The following CACNG5 variants were observed in gnomAD, a reference collection of about 807,000 sequenced individuals.
CACNG5 encodes calcium voltage-gated channel auxiliary subunit gamma 5, also known as voltage-dependent calcium channel gamma-5 subunit.
A neutral mutation model predicts 24.8 loss-of-function variants in CACNG5; 18 were observed. The ratio of observed to expected loss-of-function variants is 0.73; its 90% CI spans 0.50 to 1.08. The LOEUF (loss-of-function observed/expected upper bound fraction) is 1.08. Ranked by LOEUF, CACNG5 falls within the 50% of genes least tolerant of loss-of-function variation. The pLI, the probability that CACNG5 is intolerant of heterozygous loss-of-function variation, is 0.00. For synonymous variants in CACNG5, 157 were observed against 149.1 expected, an observed-to-expected ratio of 1.05 and a Z score of -0.39; for missense variants, 349 against 367.9, an observed-to-expected ratio of 0.95 and a Z score of 0.42.
rs56797058 is a variant in CACNG5 at position 66,850,599 on chromosome 17, TAC to T, written c.-104+15371_-104+15372del. ...ATATATATATACATACACAAATACA[TAC>T]ACACACACACACACACACACAATGC... On this transcript the variant is annotated intron_variant, in intron 1 of 5. Coordinates refer to ENST00000533854, the MANE Select transcript of CACNG5 (RefSeq NM_145811.3). Among the ~76,000 whole-genome samples the T allele has an allele frequency of 8.3e-3, 1,180 of 142,232 alleles. 15 individuals carry two copies. Among genetic ancestry groups the T allele is most frequent in the African/African-American group, 0.031 (1,116 of 36,420 alleles). The allele number at this position is 142,232 out of a possible 152,430, so 93.3% of individuals were successfully genotyped here. A position where few individuals can be genotyped will look rare whatever the true frequency, so the allele number is the denominator to read the frequency against.
At position 66,888,595 on chromosome 17, in the gene CACNG5, A is replaced by T. The variant is rs1426137789; in HGVS notation, c.*3355A>T. ...TTAAAGAAAGAGGAAAGAACCATGA[A>T]AAGTGGCTCAATAGTCAAAGACAGG... On this transcript the variant is annotated 3_prime_UTR_variant, in exon 6 of 6. Coordinates refer to ENST00000533854, the MANE Select transcript of CACNG5 (RefSeq NM_145811.3). Among the ~76,000 whole-genome samples, 2 of 152,040 alleles carry T rather than the reference A, an allele frequency of 1.3e-5. No homozygotes were observed. Among genetic ancestry groups the T allele is most frequent in the Non-Finnish European group, 2.9e-5 (2 of 67,992 alleles).
chr17:66,851,403 G>A (rs1463331968), intron 1 of CACNG5, among the ~76,000 whole-genome samples: 1 of 152,192 alleles, frequency 6.6e-6, no homozygotes, highest in African/African-American at 2.4e-5. Context: ...TGCTGAAGAT[G>A]AGCTCACAAT....
At chr17:66,870,189 G>C (rs1393605575) in intron 1 of CACNG5, among the ~76,000 whole-genome samples, 1 of 152,192 alleles carries the variant, frequency 6.6e-6, no homozygotes, top group Non-Finnish European at 1.5e-5. Flanking sequence ...TGCTCAACTA[G>C]GCAGTTTTTA....
At chr17:66,881,480 T>C (rs1977157108) in intron 4 of CACNG5, among the ~76,000 whole-genome samples, 1 of 152,072 alleles carries the variant, frequency 6.6e-6, no homozygotes, top group Non-Finnish European at 1.5e-5. Flanking sequence ...CCATAAACCC[T>C]CCTAGACCCC....
At chr17:66,877,643 T>C (rs1213772053) in intron 2 of CACNG5, 115 bp downstream of exon 2, 4 of 849,320 alleles carry the variant, frequency 4.7e-6, no homozygotes, top group Non-Finnish European at 7.3e-6. Flanking sequence ...TCACCACGGA[T>C]GATCCCTATA....
chr17:66,838,960 C>T (rs373054684), intron 1 of CACNG5, among the ~76,000 whole-genome samples: 89 of 88,058 alleles, frequency 1.0e-3, no homozygotes, highest in African/African-American at 1.3e-3. Context: ...CTCACCCATT[C>T]TTTTTTTTTT....
chr17:66,839,865 T>A (rs1275861973), intron 1 of CACNG5, among the ~76,000 whole-genome samples: 2 of 152,150 alleles, frequency 1.3e-5, no homozygotes, highest in African/African-American at 4.8e-5. Flanking sequence ...CGGGTAAGTG[T>A]TATTCCTTTT....
chr17:66,884,447 T>G (rs1977215940), intron 4 of CACNG5, 69 bp from the exon 5 acceptor site: 1 of 1,506,976 alleles, frequency 6.6e-7, no homozygotes, highest in Non-Finnish European at 8.9e-7. Context: ...CAAAGGGAGG[T>G]GGGTGCCACC....
intron 4 of CACNG5, among the ~76,000 whole-genome samples, chr17:66,881,792 C>T (rs1228836671): frequency 7.3e-6 from 1 of 136,074 alleles, no homozygotes; most frequent in Non-Finnish European, 1.5e-5. Context: ...AAGAATTAGG[C>T]AAAGAAGTGA....
rs780572822 is a variant in CACNG5 at position 66,884,555 on chromosome 17, G to A, written c.464G>A (p.Ser155Asn). The stretch of plus-strand genomic sequence containing the variant: ...GTGGGCCTGGTGCTCTACATCTCCA[G>A]CATCAACGATGAGATGCTCAACAGG... Reference protein sequence around the residue: ...LVVGLVLYISSINDEMLNRTK... With the variant: ...LVVGLVLYISNINDEMLNRTK... Residue 155 changes from serine to asparagine, a missense_variant, in exon 5 of 6, where the codon AGC becomes AAC. By Grantham distance (46) the Ser-to-Asn change is conservative. Transcript: ENST00000533854. The A allele has an allele frequency of 6.2e-6, 10 of 1,613,956 alleles. No individual in the cohort carries two copies. The highest frequency in any genetic ancestry group is 8.5e-6 in the Non-Finnish European group (10 of 1,179,944).
At chr17:66,839,596 G>A (rs896686902) in intron 1 of CACNG5, among the ~76,000 whole-genome samples, 2 of 151,704 alleles carry the variant, frequency 1.3e-5, no homozygotes, top group Non-Finnish European at 2.9e-5. Flanking sequence ...GGGAAGGTGG[G>A]GAGAGAGCGA....
At chr17:66,836,834 C>A (rs1976487478) in intron 1 of CACNG5, among the ~76,000 whole-genome samples, 2 of 152,264 alleles carry the variant, frequency 1.3e-5, no homozygotes, top group African/African-American at 4.8e-5. Flanking sequence ...AGCATCCTGG[C>A]TGGCTGCACC....
chr17:66,849,510 C>T (rs936185627), intron 1 of CACNG5, among the ~76,000 whole-genome samples: 3 of 152,222 alleles, frequency 2.0e-5, no homozygotes, highest in Non-Finnish European at 4.4e-5. Context: ...GATTACACTT[C>T]CTGGCTGAGT....
intron 3 of CACNG5, among the ~76,000 whole-genome samples, 169 bp downstream of exon 3, chr17:66,879,227 G>T (rs373204360): frequency 6.6e-6 from 1 of 152,192 alleles, no homozygotes; most frequent in Non-Finnish European, 1.5e-5. Flanking sequence ...TTTTCCAGTA[G>T]TGAAAACAGG....
At chr17:66,863,971 T>A (rs777795541) in intron 1 of CACNG5, among the ~76,000 whole-genome samples, 11 of 152,246 alleles carry the variant, frequency 7.2e-5, no homozygotes, top group Admixed American at 1.3e-4. Context: ...CTGTGTCTGA[T>A]GTTTTCATGC....
At chr17:66,841,443 G>A (rs1976566598) in intron 1 of CACNG5, among the ~76,000 whole-genome samples, 1 of 152,208 alleles carries the variant, frequency 6.6e-6, no homozygotes, top group Non-Finnish European at 1.5e-5. Context: ...GCCCCATCCA[G>A]GAGAACATCC....
intron 1 of CACNG5, among the ~76,000 whole-genome samples, chr17:66,874,720 A>C (rs950363629): frequency 2.6e-4 from 39 of 152,116 alleles, no homozygotes; most frequent in African/African-American, 9.2e-4. Context: ...GGGCAAACAA[A>C]CCACCTTATC....
In CACNG5 at chr17:66,893,843, G is replaced by A. The variant is rs991920383; in HGVS notation, c.*8603G>A. Among the ~76,000 whole-genome samples the A allele has an allele frequency of 2.6e-5, 4 of 152,056 alleles. No individual in the cohort carries two copies. The highest frequency in any genetic ancestry group is 4.4e-5 in the Non-Finnish European group (3 of 68,006). On this transcript the variant is annotated 3_prime_UTR_variant, in exon 6 of 6. Coordinates refer to ENST00000533854, the MANE Select transcript of CACNG5 (RefSeq NM_145811.3). ...AAATTCCTGAGTTGATGGGTGTGTG[G>A]GGTGCAAAGAAAAAAAAAGTGAAGT...
rs780969939 is a variant in CACNG5 at position 66,880,586 on chromosome 17, C to G, written c.313C>G (p.Leu105Val). ...KMIRSATPFPLVSLFFMFIGF... is the reference protein window; with the variant it reads ...KMIRSATPFPVVSLFFMFIGF... ...GATCCGCTCAGCCACACCATTCCCT[C>G]TGGTCAGCCTCTTCTTCATGTTCAT... is the stretch of plus-strand genomic sequence containing the variant. The change falls in exon 4 of 6, where the codon CTG becomes GTG. Residue 105 changes from leucine to valine, a missense_variant. Leu to Val is a conservative substitution (Grantham distance 32). Transcript: ENST00000533854. The G allele has an allele frequency of 6.2e-7, 1 of 1,614,134 alleles. No homozygotes were observed. Among genetic ancestry groups the G allele is most frequent in the African/African-American group, 1.3e-5 (1 of 74,946 alleles).
Sources: allele counts gnomAD v4.1 joint callset (sites outside exome capture counted in the v4.1 genomes callset), GRCh38; gene constraint gnomAD v4.1.1; transcripts MANE v1.5; gene names NCBI Gene and HGNC (gene_info 2026-07-23, HGNC 2026-07-21).